PDX1: variants seen among roughly 807,000 people sequenced by gnomAD.
PDX1 encodes the protein pancreatic and duodenal homeobox 1, also known as pancreas/duodenum homeobox protein 1.
Under a neutral mutation model 11.1 loss-of-function variants are expected in PDX1, and 7 were observed. The ratio of observed to expected loss-of-function variants is 0.63; its 90% CI spans 0.36 to 1.19. PDX1 has a LOEUF of 1.19. Among genes scored for constraint, PDX1 ranks in the 50% most tolerant of loss-of-function variants. The pLI, the probability that PDX1 is intolerant of heterozygous loss-of-function variation, is 0.02. For missense variants in PDX1, 449 were observed against 412.1 expected (o/e 1.09, Z -0.78); for synonymous variants, 232 against 196.2 (o/e 1.18, Z -1.53).
chr13:27,924,990 G>T lies in PDX1; in HGVS notation c.*289G>T. 1 of 365,822 alleles carries T rather than the reference G, an allele frequency of 2.7e-6. No homozygotes were observed. Among genetic ancestry groups the T allele is most frequent in the Non-Finnish European group, 4.8e-6 (1 of 207,744 alleles). 22.7% of individuals were successfully genotyped at this position (365,822 alleles called of 1,614,324 possible). On this transcript the variant is annotated 3_prime_UTR_variant, in exon 2 of 2. Coordinates refer to ENST00000381033, the MANE Select transcript of PDX1 (RefSeq NM_000209.4). This position sits in a 1 kb window ranked among gnomAD's most constrained non-coding sequence, Gnocchi z 4.8. ...GATTGGCGTTGTTTGTGGCTGTTGC[G>T]CACATCCCTGCCCTCCTACAGCACT...
At position 27,920,444 on chromosome 13, in the gene PDX1, G is replaced by A. The variant is rs1224341370; in HGVS notation, c.306G>A (p.Glu102=). Residue 102 remains glutamate, a synonymous_variant, in exon 1 of 2, where the codon GAG becomes GAA. Transcript: ENST00000381033. ...ACCCGCCCGCCGGGCCCTTCCCGGAGGGAGCCGAGCCGGGCGTCCTGGAGG... is the reference window on the plus strand; with the variant it reads ...ACCCGCCCGCCGGGCCCTTCCCGGAAGGAGCCGAGCCGGGCGTCCTGGAGG... ...LPHPPAGPFP[E]GAEPGVLEEP... 3 of 1,588,556 alleles carry A rather than the reference G, an allele frequency of 1.9e-6. No individual in the cohort carries two copies. The highest frequency in any genetic ancestry group is 2.6e-6 in the Non-Finnish European group (3 of 1,167,820).
Position 27,924,108 on chromosome 13 carries a change from G to A in PDX1, c.407-148G>A. On this transcript the variant is annotated intron_variant, in intron 1 of 1. Coordinates refer to ENST00000381033, the MANE Select transcript of PDX1 (RefSeq NM_000209.4). This position sits in a 1 kb window ranked among gnomAD's most constrained non-coding sequence, Gnocchi z 4.8. ...AGAGCTTCGCGCGCCTACACTAGGCGCTGAAATGGGATGCTGGGGCTTGGT... is the reference window on the plus strand; with the variant it reads ...AGAGCTTCGCGCGCCTACACTAGGCACTGAAATGGGATGCTGGGGCTTGGT... 1 of 643,512 alleles carries A rather than the reference G, an allele frequency of 1.6e-6. No individual in the cohort carries two copies. The highest frequency in any genetic ancestry group is 2.2e-5 in the South Asian group (1 of 44,664). 39.9% of individuals were successfully genotyped at this position (643,512 alleles called of 1,614,324 possible). A position where few individuals can be genotyped will look rare whatever the true frequency, so the allele number is the denominator to read the frequency against.
chr13:27,923,000 T>C (rs1277915164), intron 1 of PDX1, among the ~76,000 whole-genome samples: 2 of 152,192 alleles, frequency 1.3e-5, no homozygotes, highest in Admixed American at 6.5e-5. Flanking sequence ...GGAAACCCAG[T>C]AGGGTTCCAT....
At chr13:27,923,715 GTAGA>G (rs1593170082) in intron 1 of PDX1, among the ~76,000 whole-genome samples, 1 of 152,218 alleles carries the variant, frequency 6.6e-6, no homozygotes, top group Non-Finnish European at 1.5e-5. Flanking sequence ...GGAGAGAAAA[GTAGA>G]TAGCATCATA....
At position 27,925,085 on chromosome 13, in the gene PDX1, G is replaced by C; in HGVS notation, c.*384G>C. The C allele has an allele frequency of 4.0e-6, 1 of 247,576 alleles. No homozygotes were observed. Among genetic ancestry groups the C allele is most frequent in the South Asian group, 1.1e-4 (1 of 9,516 alleles). The allele number at this position is 247,576 out of a possible 1,614,324, so 15.3% of individuals were successfully genotyped here. On this transcript the variant is annotated 3_prime_UTR_variant, in exon 2 of 2. Transcript: ENST00000381033. ...GGAAACTGTACCATACACATTGGAA[G>C]GCTCCCTAACACACACAGCGGGGAA...
chr13:27,923,084 G>A (rs555160099), intron 1 of PDX1, among the ~76,000 whole-genome samples: 34 of 152,168 alleles, frequency 2.2e-4, no homozygotes, highest in Non-Finnish European at 3.4e-4. Context: ...ACATTCACAG[G>A]AGAAATGTCC....
At chr13:27,921,788 G>A (rs1957789626) in intron 1 of PDX1, among the ~76,000 whole-genome samples, 1 of 152,224 alleles carries the variant, frequency 6.6e-6, no homozygotes, top group South Asian at 2.1e-4. Flanking sequence ...CCTGAGGCAG[G>A]ACGAGGGCTG....
At position 27,924,041 on chromosome 13, in the gene PDX1, A is replaced by G. The variant is rs1336471759; in HGVS notation, c.407-215A>G. Among the ~76,000 whole-genome samples, 1 of 152,254 alleles carries G rather than the reference A, an allele frequency of 6.6e-6. No homozygotes were observed. The highest frequency in any genetic ancestry group is 2.4e-5 in the African/African-American group (1 of 41,474). On this transcript the variant is annotated intron_variant, in intron 1 of 1. Coordinates refer to ENST00000381033, the MANE Select transcript of PDX1 (RefSeq NM_000209.4). This position sits in a 1 kb window ranked among gnomAD's most constrained non-coding sequence, Gnocchi z 4.8. The stretch of plus-strand genomic sequence containing the variant: ...AGCTGACTCGAGTTTGGTCTCCAAT[A>G]AAAAGGCTATCTTTATTAGGAAGGG...
chr13:27,920,011 G>T lies in PDX1; in HGVS notation c.-128G>T, dbSNP rs932984792. The T allele has an allele frequency of 8.3e-7, 1 of 1,202,774 alleles. No homozygotes were observed. 74.5% of individuals were successfully genotyped at this position (1,202,774 alleles called of 1,614,324 possible). On this transcript the variant is annotated 5_prime_UTR_variant, in exon 1 of 2. Coordinates refer to ENST00000381033, the MANE Select transcript of PDX1 (RefSeq NM_000209.4). The stretch of plus-strand genomic sequence containing the variant: ...TGTGGGTTCCCTCTGAGATCAGTGC[G>T]GAGCTGTCAAAGCGAGCAGGGGTGG...
At position 27,924,942 on chromosome 13, in the gene PDX1, G is replaced by T. The variant is rs749402485; in HGVS notation, c.*241G>T. 2 of 431,500 alleles carry T rather than the reference G, an allele frequency of 4.6e-6. No individual in the cohort carries two copies. Among genetic ancestry groups the T allele is most frequent in the Middle Eastern group, 5.8e-4 (1 of 1,714 alleles). 26.7% of individuals were successfully genotyped at this position (431,500 alleles called of 1,614,324 possible). On this transcript the variant is annotated 3_prime_UTR_variant, in exon 2 of 2. Coordinates refer to ENST00000381033, the MANE Select transcript of PDX1 (RefSeq NM_000209.4). The surrounding 1 kb of genome is among the most constrained non-coding windows in gnomAD (Gnocchi z 4.8). ...AAGAGCCATTGGTTTTTGTAGTATTGGGGCCCTCTTTTAGTGATACTGGAT... is the reference window on the plus strand; with the variant it reads ...AAGAGCCATTGGTTTTTGTAGTATTTGGGCCCTCTTTTAGTGATACTGGAT...
At position 27,924,804 on chromosome 13, in the gene PDX1, A is replaced by C. The variant is rs1374183054; in HGVS notation, c.*103A>C. Reference sequence around the variant, plus strand: ...GTGGACCACCCGCCCTGGCAGTTGAATGGGGCGGCAATTGCGGGGCCCACC... The same window carrying C: ...GTGGACCACCCGCCCTGGCAGTTGACTGGGGCGGCAATTGCGGGGCCCACC... On this transcript the variant is annotated 3_prime_UTR_variant, in exon 2 of 2. Coordinates refer to ENST00000381033, the MANE Select transcript of PDX1 (RefSeq NM_000209.4). The surrounding 1 kb of genome is among the most constrained non-coding windows in gnomAD (Gnocchi z 4.8). 9.5e-6 allele frequency: 9 copies of C among 946,572 alleles called. No homozygotes were observed. The highest frequency in any genetic ancestry group is 1.3e-5 in the Non-Finnish European group (9 of 709,492). The allele number at this position is 946,572 out of a possible 1,614,324, so 58.6% of individuals were successfully genotyped here.
In PDX1 at chr13:27,924,774, C is replaced by G; in HGVS notation, c.*73C>G. ...AGGAGCAGAGGGCCTAGGAGGACCC[C>G]GGGCGTGGACCACCCGCCCTGGCAG... On this transcript the variant is annotated 3_prime_UTR_variant, in exon 2 of 2. Transcript: ENST00000381033. The surrounding 1 kb of genome is among the most constrained non-coding windows in gnomAD (Gnocchi z 4.8). 8.2e-7 allele frequency: 1 copy of G among 1,216,500 alleles called. No homozygotes were observed. Among genetic ancestry groups the G allele is most frequent in the East Asian group, 3.2e-5 (1 of 31,338 alleles). 75.4% of individuals were successfully genotyped at this position (1,216,500 alleles called of 1,614,324 possible).
At chr13:27,923,199 G>T (rs968950972) in intron 1 of PDX1, among the ~76,000 whole-genome samples, 1 of 152,220 alleles carries the variant, frequency 6.6e-6, no homozygotes, top group Non-Finnish European at 1.5e-5. Context: ...GAAAAGAAAA[G>T]ATTGGGACCT....
chr13:27,920,041 G>C lies in PDX1; in HGVS notation c.-98G>C. On this transcript the variant is annotated 5_prime_UTR_variant, in exon 1 of 2. Coordinates refer to ENST00000381033, the MANE Select transcript of PDX1 (RefSeq NM_000209.4). ...TGTCAAAGCGAGCAGGGGTGGCGCC[G>C]GGAGTGGGAACGCCACACAGTGCCA... is the stretch of plus-strand genomic sequence containing the variant. 2 of 1,427,820 alleles carry C rather than the reference G, an allele frequency of 1.4e-6. No individual in the cohort carries two copies. The highest frequency in any genetic ancestry group is 9.6e-7 in the Non-Finnish European group (1 of 1,038,474). 88.4% of individuals were successfully genotyped at this position (1,427,820 alleles called of 1,614,324 possible). A position where few individuals can be genotyped will look rare whatever the true frequency, so the allele number is the denominator to read the frequency against.
Position 27,924,837 on chromosome 13 carries a change from G to T in PDX1, c.*136G>T, listed in dbSNP as rs1433082270. The stretch of plus-strand genomic sequence containing the variant: ...GCAATTGCGGGGCCCACCTTAGACC[G>T]AAGGGGAAAACCCGCTCTCTCAGGC... On this transcript the variant is annotated 3_prime_UTR_variant, in exon 2 of 2. Transcript: ENST00000381033. This position sits in a 1 kb window ranked among gnomAD's most constrained non-coding sequence, Gnocchi z 4.8. The T allele has an allele frequency of 1.8e-5, 13 of 724,030 alleles. No homozygotes were observed. Among genetic ancestry groups the T allele is most frequent in the Non-Finnish European group, 2.5e-5 (13 of 514,236 alleles). The allele number at this position is 724,030 out of a possible 1,614,324, so 44.9% of individuals were successfully genotyped here.
Position 27,924,288 on chromosome 13 carries a change from A to C in PDX1, c.439A>C (p.Lys147Gln). The change falls in exon 2 of 2, where the codon AAG becomes CAG. Residue 147 changes from lysine to glutamine, a missense_variant. By Grantham distance (53) the Lys-to-Gln change is moderately conservative. Transcript: ENST00000381033. The surrounding 1 kb of genome is among the most constrained non-coding windows in gnomAD (Gnocchi z 4.8). ...GAYAAEPEEN[K>Q]RTRTAYTRAQ... is the part of the protein sequence containing the mutation. ...CTACGCTGCGGAGCCGGAGGAGAACAAGCGGACGCGCACGGCCTACACGCG... is the reference window on the plus strand; with the variant it reads ...CTACGCTGCGGAGCCGGAGGAGAACCAGCGGACGCGCACGGCCTACACGCG... The C allele has an allele frequency of 1.9e-6, 3 of 1,609,434 alleles. No homozygotes were observed. The South Asian group carries it at 3.3e-5, about 18-fold the overall frequency.
intron 1 of PDX1, among the ~76,000 whole-genome samples, chr13:27,922,211 G>A (rs1376372812): frequency 6.6e-6 from 1 of 152,238 alleles, no homozygotes; most frequent in Non-Finnish European, 1.5e-5. Context: ...AAGCCAGAAA[G>A]TAAAACCAGA....
At chr13:27,922,163 C>A (rs1035670595) in intron 1 of PDX1, among the ~76,000 whole-genome samples, 2 of 152,344 alleles carry the variant, frequency 1.3e-5, no homozygotes, top group East Asian at 3.9e-4. Flanking sequence ...AGGGGTGATA[C>A]CTCTGCTCTG....
intron 1 of PDX1, among the ~76,000 whole-genome samples, chr13:27,922,541 A>G (rs1041649493): frequency 6.6e-6 from 1 of 152,160 alleles, no homozygotes; most frequent in African/African-American, 2.4e-5. Flanking sequence ...GTTTTGAAAA[A>G]CATTGACCCC....
Sources: gnomAD v4.1 joint callset for allele counts (sites outside exome capture counted in the v4.1 genomes callset) on GRCh38, gnomAD v4.1.1 for gene constraint, Gnocchi (gnomAD v3.1) non-coding constraint, MANE v1.5 for transcripts, NCBI Gene and HGNC (gene_info 2026-07-23, HGNC 2026-07-21) for gene names.